The following DENND4C variants were observed in gnomAD, a reference collection of about 807,000 sequenced individuals.
DENND4C encodes the protein DENN domain-containing protein 4C.
Under a neutral mutation model 203.0 loss-of-function variants are expected in DENND4C, and 108 were observed. The ratio of observed to expected loss-of-function variants is 0.53; its 90% CI spans 0.46 to 0.62. DENND4C has a LOEUF of 0.62. Among genes scored for constraint, DENND4C ranks in the 20% least tolerant of loss-of-function variants. The pLI, the probability that DENND4C is intolerant of heterozygous loss-of-function variation, is 0.00. For synonymous variants in DENND4C, 871 were observed against 792.4 expected (o/e 1.10, Z -1.67); for missense variants, 2,481 against 2,301.2 (o/e 1.08, Z -1.60).
At chr9:19,245,496 C>T (rs906004857) in intron 1 of DENND4C, among the ~76,000 whole-genome samples, 1 of 145,354 alleles carries the variant, frequency 6.9e-6, no homozygotes, top group African/African-American at 2.5e-5. Context: ...CCAGGTGGCT[C>T]CAATGTATAG....
chr9:19,260,330 A>AT (rs1259382737), intron 1 of DENND4C, among the ~76,000 whole-genome samples: 9 of 150,832 alleles, frequency 6.0e-5, no homozygotes, highest in Non-Finnish European at 1.3e-4. Flanking sequence ...GGATTATTAG[A>AT]TTTTTTTCCT....
At chr9:19,267,856 A>C (rs1230053486) in intron 1 of DENND4C, among the ~76,000 whole-genome samples, 1 of 152,102 alleles carries the variant, frequency 6.6e-6, no homozygotes, top group Admixed American at 6.6e-5. Flanking sequence ...TGTAGGCCGC[A>C]GATGGTCGGA....
At chr9:19,269,866 A>C (rs1330741476) in intron 1 of DENND4C, among the ~76,000 whole-genome samples, 2 of 152,190 alleles carry the variant, frequency 1.3e-5, no homozygotes, top group African/African-American at 4.8e-5. Flanking sequence ...GGTAGTCTTC[A>C]CAGTCTGGGC....
chr9:19,245,330 G>A (rs1198044223), intron 1 of DENND4C, among the ~76,000 whole-genome samples: 1 of 151,970 alleles, frequency 6.6e-6, no homozygotes, highest in Admixed American at 6.6e-5. Context: ...AGCTGGGCAT[G>A]GTGGGAGGCA....
At chr9:19,253,452 A>AT (rs1375768092) in intron 1 of DENND4C, among the ~76,000 whole-genome samples, 1 of 152,188 alleles carries the variant, frequency 6.6e-6, no homozygotes, top group Non-Finnish European at 1.5e-5. Flanking sequence ...AAAGGAACTG[A>AT]TTTTATCTGA....
intron 1 of DENND4C, among the ~76,000 whole-genome samples, chr9:19,237,064 G>A (rs898725495): frequency 1.1e-4 from 17 of 151,882 alleles, no homozygotes; most frequent in African/African-American, 4.1e-4. Flanking sequence ...CTTGTTGCCC[G>A]GGCTGGAGTG....
chr9:19,279,817 C>A lies in DENND4C; in HGVS notation c.305+3338C>A, dbSNP rs951839254. 6.6e-5 allele frequency among the ~76,000 whole-genome samples: 10 copies of A among 152,048 alleles called. No homozygotes were observed. The East Asian group carries it at 1.2e-3, about 18-fold the overall frequency. ...CACTGTAGCACTCCAGCGTGGGCAA[C>A]AGAGCAAAAGACCCTGCCTCAGAAG... On this transcript the variant is annotated intron_variant, in intron 2 of 32. Coordinates refer to ENST00000434457, the MANE Select transcript of DENND4C (RefSeq NM_001330640.2).
At chr9:19,293,469 A>G (rs1836781866) in intron 5 of DENND4C, among the ~76,000 whole-genome samples, 2 of 151,976 alleles carry the variant, frequency 1.3e-5, no homozygotes, top group South Asian at 4.2e-4. Context: ...CTTTGAGATC[A>G]CTTTGAAATA....
intron 2 of DENND4C, among the ~76,000 whole-genome samples, chr9:19,278,431 T>C (rs1340612348): frequency 2.6e-5 from 4 of 152,126 alleles, no homozygotes; most frequent in Non-Finnish European, 5.9e-5. Context: ...ACCTGGCCAC[T>C]GATTGTTCTC....
intron 9 of DENND4C, among the ~76,000 whole-genome samples, chr9:19,303,634 C>T (rs1253992983): frequency 2.0e-5 from 3 of 152,108 alleles, no homozygotes; most frequent in African/African-American, 4.8e-5. Context: ...ATAGCAAGTG[C>T]CCAAATATTA....
In DENND4C at chr9:19,255,962, C is replaced by T. The variant is rs35897474; in HGVS notation, c.-17-20196C>T. 1.6e-3 allele frequency among the ~76,000 whole-genome samples: 238 copies of T among 152,112 alleles called. 1 individual carries two copies. Among genetic ancestry groups the T allele is most frequent in the Non-Finnish European group, 2.6e-3 (174 of 68,006 alleles). Reference sequence around the variant, plus strand: ...CAAGACAGACCACATTCAGGCTGAGCATGGTGTCTTAACTCCTGTAATCCC... The same window carrying T: ...CAAGACAGACCACATTCAGGCTGAGTATGGTGTCTTAACTCCTGTAATCCC... On this transcript the variant is annotated intron_variant, in intron 1 of 32. Coordinates refer to ENST00000434457, the MANE Select transcript of DENND4C (RefSeq NM_001330640.2).
intron 26 of DENND4C, among the ~76,000 whole-genome samples, chr9:19,356,107 C>T (rs139844056): frequency 0.016 from 2,412 of 151,958 alleles, 31 homozygotes; most frequent in Non-Finnish European, 0.024. Flanking sequence ...TCAATGAGCA[C>T]GCAAATATCT....
intron 22 of DENND4C, among the ~76,000 whole-genome samples, chr9:19,345,105 T>C (rs1822556195): frequency 6.6e-6 from 1 of 152,204 alleles, no homozygotes; most frequent in Non-Finnish European, 1.5e-5. Flanking sequence ...GACACAAACA[T>C]TCAGTCCATA....
chr9:19,338,066 A>T (rs1820874304), intron 20 of DENND4C, among the ~76,000 whole-genome samples: 1 of 152,196 alleles, frequency 6.6e-6, no homozygotes, highest in African/African-American at 2.4e-5. Context: ...TTACAGGAGC[A>T]TGTGTAAATT....
chr9:19,327,390 T>A (rs572962926), intron 15 of DENND4C, among the ~76,000 whole-genome samples: 1 of 152,174 alleles, frequency 6.6e-6, no homozygotes, highest in South Asian at 2.1e-4. Flanking sequence ...TTAGAATGTA[T>A]GTTTAAGTAT....
chr9:19,316,258 G>C (rs950331698), intron 10 of DENND4C, among the ~76,000 whole-genome samples, 159 bp from the exon 11 acceptor site: 2 of 152,228 alleles, frequency 1.3e-5, no homozygotes, highest in African/African-American at 4.8e-5. Context: ...AATGAAAAGA[G>C]AACTTCCTTG....
chr9:19,269,165 T>C (rs1195863959), intron 1 of DENND4C, among the ~76,000 whole-genome samples: 1 of 152,156 alleles, frequency 6.6e-6, no homozygotes, highest in African/African-American at 2.4e-5. Flanking sequence ...CCTTTCTTTC[T>C]TTCTTTTTTG....
At chr9:19,259,160 A>AT (rs1301981486) in intron 1 of DENND4C, among the ~76,000 whole-genome samples, 3 of 152,082 alleles carry the variant, frequency 2.0e-5, no homozygotes, top group Non-Finnish European at 4.4e-5. Flanking sequence ...GACTGTAGTC[A>AT]TCCTGTTGTG....
Position 19,357,998 on chromosome 9 carries a change from A to T in DENND4C, c.4998A>T (p.Gln1666His). The change falls in exon 28 of 33, where the codon CAA becomes CAT. Residue 1666 changes from glutamine (Q) to histidine (H), a missense_variant. Coordinates refer to ENST00000434457, the MANE Select transcript of DENND4C (RefSeq NM_001330640.2). ...TAAAGAGAGCCAGTGGAGATGTCCA[A>T]ACTATGAAAATTTCATCTGTGCCTA... is the stretch of plus-strand genomic sequence containing the variant. ...DEIKRASGDV[Q>H]TMKISSVPNS... 1 of 1,613,166 alleles carries T rather than the reference A, an allele frequency of 6.2e-7. No homozygotes were observed. The highest frequency in any genetic ancestry group is 8.5e-7 in the Non-Finnish European group (1 of 1,179,418).
Sources: allele counts gnomAD v4.1 joint callset (sites outside exome capture counted in the v4.1 genomes callset), GRCh38; gene constraint gnomAD v4.1.1; transcripts MANE v1.5; gene names NCBI Gene and HGNC (gene_info 2026-07-23, HGNC 2026-07-21).